Variants in NOTCH1 observed in about 807,000 individuals in gnomAD.
The protein encoded by NOTCH1 is neurogenic locus notch homolog protein 1.
NOTCH1 carries 37 observed loss-of-function variants against 254.8 expected under a neutral mutation model. That is an observed-to-expected ratio of 0.15 (90% CI 0.11 to 0.19). The LOEUF (loss-of-function observed/expected upper bound fraction) is 0.19, where lower values mean the gene tolerates loss of function less well. Among genes scored for constraint, NOTCH1 ranks in the 10% least tolerant of loss-of-function variants. NOTCH1 has a pLI of 1.00. For missense variants in NOTCH1, 2,972 were observed against 3,708.6 expected (o/e 0.80, Z 5.16); for synonymous variants, 1,731 against 1,618.1 (o/e 1.07, Z -1.68).
At chr9:136,512,400 T>TG (rs1186642696) in intron 15 of NOTCH1, among the ~76,000 whole-genome samples, 4 of 152,136 alleles carry the variant, frequency 2.6e-5, no homozygotes, top group African/African-American at 9.7e-5. Context: ...AGGACCCCGG[T>TG]GCTTGTGGAC....
chr9:136,543,938 G>A (rs1843770901), intron 2 of NOTCH1, 86 bp downstream of exon 2: 3 of 1,259,396 alleles, frequency 2.4e-6, no homozygotes, highest in African/African-American at 1.5e-5. Flanking sequence ...GAAGACAATG[G>A]CCTAGTGTTC....
At chr9:136,512,228 C>G (rs1843192502) in intron 15 of NOTCH1, among the ~76,000 whole-genome samples, 3 of 152,210 alleles carry the variant, frequency 2.0e-5, no homozygotes, top group Admixed American at 2.0e-4. Context: ...AGAGAAAACC[C>G]AGGTCCTTAA....
intron 27 of NOTCH1, chr9:136,502,832 T>TG (rs1490753022): frequency 1.8e-6 from 1 of 569,560 alleles, no homozygotes; most frequent in African/African-American, 1.9e-5. Flanking sequence ...ACACTTCACA[T>TG]GACACCGATC....
chr9:136,541,484 C>T (rs1431429375), intron 2 of NOTCH1, among the ~76,000 whole-genome samples: 1 of 152,166 alleles, frequency 6.6e-6, no homozygotes, highest in African/African-American at 2.4e-5. Flanking sequence ...GCCAGGATTC[C>T]CACTCAGGCT....
At chr9:136,511,419 C>G in intron 15 of NOTCH1, 148 bp from the exon 16 acceptor site, 1 of 1,020,458 alleles carries the variant, frequency 9.8e-7, no homozygotes, top group South Asian at 1.6e-5. Flanking sequence ...TGAGCGCTCC[C>G]GGCTGTGCCA....
chr9:136,502,848 T>TTC (rs545337506), intron 27 of NOTCH1: 2 of 580,064 alleles, frequency 3.4e-6, no homozygotes, highest in Non-Finnish European at 6.3e-6. Flanking sequence ...CGATCAATTC[T>TTC]TCTCTCTCTC....
chr9:136,505,205 C>T (rs1443686773), intron 25 of NOTCH1, 101 bp from the exon 26 acceptor site: 4 of 1,517,856 alleles, frequency 2.6e-6, no homozygotes, highest in Non-Finnish European at 3.6e-6. Flanking sequence ...GACGTCCCTG[C>T]ACCCCCTGAG....
rs1182850522 is a variant in NOTCH1, at chr9:136,502,148, C to A, written c.5385-60G>T. On this transcript the variant is annotated intron_variant, in intron 28 of 33. Coordinates refer to ENST00000651671, the MANE Select transcript of NOTCH1 (RefSeq NM_017617.5). ...GAGCTCCCTAGGAAGCCCCCAGAGA[C>A]CCCTGGCCCGGGCCTGGCGTGGGAG... is the stretch of plus-strand genomic sequence containing the variant. The A allele has an allele frequency of 3.1e-6, 5 of 1,604,992 alleles. No homozygotes were observed. The East Asian group carries it at 8.9e-5, about 29-fold the overall frequency.
chr9:136,518,270 G>A lies in NOTCH1; in HGVS notation c.1122C>T (p.Asp374=), dbSNP rs192683347. 504 of 1,611,042 alleles carry A rather than the reference G, an allele frequency of 3.1e-4. 2 individuals are homozygous for A. In the African/African-American group the frequency reaches 4.2e-3, roughly 14 times the overall value. Residue 374 remains aspartate, a synonymous_variant, in exon 7 of 34, where the codon GAC becomes GAT. Coordinates refer to ENST00000651671, the MANE Select transcript of NOTCH1 (RefSeq NM_017617.5). ...GRTGLLCHLN[D]ACISNPCNEG... ...CGTTACAGGGGTTGCTGATGCATGC[G>A]TCGTTGAGGTGGCACAGCAGACCTG...
In NOTCH1 at chr9:136,504,945, C is replaced by T. The variant is rs886038974; in HGVS notation, c.4746G>A (p.Pro1582=). 3.1e-5 allele frequency: 50 copies of T among 1,587,596 alleles called. No individual in the cohort carries two copies. The highest frequency in any genetic ancestry group is 3.7e-5 in the Non-Finnish European group (43 of 1,168,888). The change falls in exon 26 of 34, where the codon CCG becomes CCA. Residue 1582 remains proline, a synonymous_variant. Coordinates refer to ENST00000651671, the MANE Select transcript of NOTCH1 (RefSeq NM_017617.5). ...GTLVVVVLMP[P]EQLRNSSFHF... ...GGAAGGAGCTGTTGCGCAGCTGCTCCGGCGGCATCAGCACCACCACCACCA... is the reference window on the plus strand; with the variant it reads ...GGAAGGAGCTGTTGCGCAGCTGCTCTGGCGGCATCAGCACCACCACCACCA...
chr9:136,536,374 C>T (rs1038730610), intron 2 of NOTCH1, among the ~76,000 whole-genome samples: 2 of 152,184 alleles, frequency 1.3e-5, no homozygotes, highest in Non-Finnish European at 2.9e-5. Context: ...TCCTGTCACA[C>T]GGGCCTGGAT....
At chr9:136,521,696 C>A (rs1843368628) in intron 4 of NOTCH1, among the ~76,000 whole-genome samples, 1 of 152,218 alleles carries the variant, frequency 6.6e-6, no homozygotes, top group African/African-American at 2.4e-5. Context: ...TGTCTGTCCC[C>A]ACCCCACGCT....
chr9:136,518,707 G>C lies in NOTCH1; in HGVS notation c.983C>G (p.Thr328Ser), dbSNP rs757299499. Residue 328 changes from threonine to serine, a missense_variant, in exon 6 of 34, where the codon ACT becomes AGT. Coordinates refer to ENST00000651671, the MANE Select transcript of NOTCH1 (RefSeq NM_017617.5). ...AATGTTCTCGCTGCAGTCCTCACCAGTCCAGCCGTTGACACACACGCAGTT... is the reference window on the plus strand; with the variant it reads ...AATGTTCTCGCTGCAGTCCTCACCACTCCAGCCGTTGACACACACGCAGTT... ...GYNCVCVNGW[T>S]GEDCSENIDD... 4.3e-6 allele frequency: 7 copies of C among 1,612,744 alleles called. No individual in the cohort carries two copies. The highest frequency in any genetic ancestry group is 1.6e-4 in the Middle Eastern group (1 of 6,084).
chr9:136,530,709 C>T (rs1289656691), intron 2 of NOTCH1, among the ~76,000 whole-genome samples: 1 of 152,238 alleles, frequency 6.6e-6, no homozygotes, highest in Admixed American at 6.5e-5. Flanking sequence ...TGGGTCACCC[C>T]AACGGCCCCT....
At position 136,514,525 on chromosome 9, in the gene NOTCH1, C is replaced by A. The variant is rs587778558; in HGVS notation, c.2192G>T (p.Arg731Leu). ...CGCCGCATACCCGTTGAGGCTGTCC[C>A]GGCAGGCCCCGTGGACGCAGGGGTT... ...NSNPCVHGACRDSLNGYKCDC... is the reference protein window; with the variant it reads ...NSNPCVHGACLDSLNGYKCDC... Residue 731 changes from arginine (R) to leucine (L), a missense_variant, in exon 13 of 34, where the codon CGG becomes CTG. Transcript: ENST00000651671. 2 of 1,586,580 alleles carry A rather than the reference C, an allele frequency of 1.3e-6. No homozygotes were observed. Among genetic ancestry groups the A allele is most frequent in the Non-Finnish European group, 1.7e-6 (2 of 1,167,716 alleles).
chr9:136,544,850 G>C (rs1010917170), intron 1 of NOTCH1, among the ~76,000 whole-genome samples: 2 of 151,956 alleles, frequency 1.3e-5, no homozygotes, highest in Non-Finnish European at 2.9e-5. Context: ...ACCCCATCTC[G>C]AGAAGGGATC....
chr9:136,497,264 G>A lies in NOTCH1; in HGVS notation c.6475C>T (p.Arg2159Cys), dbSNP rs371742334. The A allele has an allele frequency of 8.1e-6, 13 of 1,611,036 alleles. No individual in the cohort carries two copies. The highest frequency in any genetic ancestry group is 6.7e-5 in the East Asian group (3 of 44,888). Residue 2159 changes from arginine (R) to cysteine (C), a missense_variant, in exon 34 of 34, where the codon CGC becomes TGC. Arg to Cys is a radical substitution (Grantham distance 180, BLOSUM62 -3). Coordinates refer to ENST00000651671, the MANE Select transcript of NOTCH1 (RefSeq NM_017617.5). Reference protein sequence around the residue: ...LKPGVQGKKVRKPSSKGLACG... With the variant: ...LKPGVQGKKVCKPSSKGLACG... The stretch of plus-strand genomic sequence containing the variant: ...GCCAGGCCTTTGCTGCTGGGCTTGC[G>A]GACCTTCTTGCCCTGCACGCCGGGC...
chr9:136,532,994 C>T lies in NOTCH1; in HGVS notation c.141-9015G>A, dbSNP rs1171016187. On this transcript the variant is annotated intron_variant, in intron 2 of 33. Coordinates refer to ENST00000651671, the MANE Select transcript of NOTCH1 (RefSeq NM_017617.5). ...GGGCTGCCGACAGCCCAGCCAGGCC[C>T]GTCCACCAGAGAGCTGCAGAGCTCT... Among the ~76,000 whole-genome samples the T allele has an allele frequency of 2.0e-5, 3 of 152,252 alleles. No individual in the cohort carries two copies. In the South Asian group the frequency reaches 6.2e-4, roughly 31 times the overall value.
rs1344204097 is a variant in NOTCH1, at chr9:136,514,545, G to A, written c.2172C>T (p.Pro724=). 2 of 1,602,066 alleles carry A rather than the reference G, an allele frequency of 1.2e-6. No homozygotes were observed. Among genetic ancestry groups the A allele is most frequent in the East Asian group, 2.2e-5 (1 of 44,502 alleles). Residue 724 remains proline, a synonymous_variant, in exon 13 of 34, where the codon CCC becomes CCT. Transcript: ENST00000651671. ...TGTCCCGGCAGGCCCCGTGGACGCAGGGGTTGCTGTTGCACTCATTGACCT... is the reference window on the plus strand; with the variant it reads ...TGTCCCGGCAGGCCCCGTGGACGCAAGGGTTGCTGTTGCACTCATTGACCT... ...LSEVNECNSN[P]CVHGACRDSL... is the part of the protein sequence containing the mutation.
Sources: allele counts gnomAD v4.1 joint callset (sites outside exome capture counted in the v4.1 genomes callset), GRCh38; gene constraint gnomAD v4.1.1; transcripts MANE v1.5; gene names NCBI Gene and HGNC (gene_info 2026-07-23, HGNC 2026-07-21).